EIF4ENIF1: variants seen among roughly 807,000 people sequenced by gnomAD.
EIF4ENIF1 encodes eukaryotic translation initiation factor 4E transporter.
In EIF4ENIF1, 23 loss-of-function variants were observed where a neutral mutation model predicts 110.5. The ratio of observed to expected loss-of-function variants is 0.21; its 90% confidence interval spans 0.15 to 0.29. EIF4ENIF1 has a LOEUF of 0.29. Ranked by LOEUF, EIF4ENIF1 falls within the 10% of genes least tolerant of loss-of-function variation. The probability of loss-of-function intolerance (pLI) is 1.00; values close to 1 mark genes in which losing one functional copy is unlikely to be tolerated. For synonymous variants in EIF4ENIF1, 440 were observed against 437.0 expected (o/e 1.01, Z -0.09); for missense variants, 1,031 against 1,221.1 (o/e 0.84, Z 2.32).
chr22:31,448,947 T>C (rs1258298612), intron 12 of EIF4ENIF1, among the ~76,000 whole-genome samples: 1 of 152,202 alleles, frequency 6.6e-6, no homozygotes, highest in Admixed American at 6.5e-5. Flanking sequence ...ATCTATAACA[T>C]GAACATATTC....
rs76002808 is a variant in EIF4ENIF1 at position 31,463,819 on chromosome 22, C to G, written c.447G>C (p.Leu149=). 87 of 1,614,094 alleles carry G rather than the reference C, an allele frequency of 5.4e-5. No homozygotes were observed. In the African/African-American group the frequency reaches 1.1e-3, roughly 20 times the overall value. Reference sequence around the variant, plus strand: ...CACTGCCAATCCTACGTCCACCAAGCAGACGAAGCCCATCACTATCTTTCT... The same window carrying G: ...CACTGCCAATCCTACGTCCACCAAGGAGACGAAGCCCATCACTATCTTTCT... ...PLEKDSDGLR[L]LGGRRIGSGR... The change falls in exon 5 of 19, where the codon CTG becomes CTC. Residue 149 remains leucine (L), a synonymous_variant. Coordinates refer to ENST00000330125, the MANE Select transcript of EIF4ENIF1 (RefSeq NM_019843.4).
At chr22:31,447,641 TAGAA>T in intron 13 of EIF4ENIF1, 76 bp from the exon 14 acceptor site, 2 of 1,486,180 alleles carry the variant, frequency 1.3e-6, no homozygotes, top group Non-Finnish European at 9.0e-7. Context: ...TCTTCACTCT[TAGAA>T]AGGTATGTTA....
chr22:31,476,686 G>A (rs2051584438), intron 2 of EIF4ENIF1, among the ~76,000 whole-genome samples: 1 of 152,044 alleles, frequency 6.6e-6, no homozygotes, highest in Admixed American at 6.6e-5. Context: ...CTTAAGATCA[G>A]GAGTTCAAGA....
chr22:31,442,593 C>T (rs1379021332), intron 16 of EIF4ENIF1, among the ~76,000 whole-genome samples: 1 of 152,208 alleles, frequency 6.6e-6, no homozygotes, highest in Non-Finnish European at 1.5e-5. Context: ...CTATGTTGGA[C>T]ACTTAAGTCT....
At chr22:31,474,727 A>G (rs1373695824) in intron 2 of EIF4ENIF1, among the ~76,000 whole-genome samples, 2 of 152,106 alleles carry the variant, frequency 1.3e-5, no homozygotes, top group Non-Finnish European at 2.9e-5. Context: ...ACACTAACAC[A>G]CATATCTACC....
At chr22:31,444,583 C>T (rs773324652) in intron 15 of EIF4ENIF1, 23 bp downstream of exon 15, 1 of 1,610,976 alleles carries the variant, frequency 6.2e-7, no homozygotes, top group Non-Finnish European at 8.5e-7. Flanking sequence ...TAAAGTCCTT[C>T]ACAGTTACTA....
chr22:31,454,495 C>A, intron 9 of EIF4ENIF1, 119 bp from the exon 10 acceptor site: 1 of 826,760 alleles, frequency 1.2e-6, no homozygotes, highest in South Asian at 1.8e-5. Flanking sequence ...ATGAGACTGT[C>A]AGAAAAGACT....
At chr22:31,462,457 C>G (rs977421244) in intron 6 of EIF4ENIF1, among the ~76,000 whole-genome samples, 37 of 151,262 alleles carry the variant, frequency 2.4e-4, no homozygotes, top group African/African-American at 9.0e-4. Flanking sequence ...TGCACTCCAG[C>G]CCGGGCAACT....
intron 4 of EIF4ENIF1, among the ~76,000 whole-genome samples, chr22:31,464,699 A>AATATATAT (rs1230573468): frequency 7.4e-4 from 29 of 39,110 alleles, no homozygotes; most frequent in East Asian, 1.9e-3. Flanking sequence ...AAAAAAAAAA[A>AATATATAT]ATATATATAT....
upstream of EIF4ENIF1, among the ~76,000 whole-genome samples, chr22:31,492,083 G>C (rs2052291628): frequency 6.6e-6 from 1 of 152,192 alleles, no homozygotes; most frequent in Non-Finnish European, 1.5e-5. Flanking sequence ...CTGTCAGCTA[G>C]GACCTGGGAC....
chr22:31,455,286 G>C lies in EIF4ENIF1; in HGVS notation c.1129C>G (p.Gln377Glu). Residue 377 changes from glutamine (Q) to glutamate (E), a missense_variant, in exon 9 of 19, where the codon CAG becomes GAG. Around this residue, in one of 3 missense-constraint regions of EIF4ENIF1, gnomAD observed 704 missense variants for 879.7 expected, o/e 0.80. Transcript: ENST00000330125. Reference protein sequence around the residue: ...GLEQAILSPGQNSGNYFAPIP... With the variant: ...GLEQAILSPGENSGNYFAPIP... ...GGAGCAAAGTAATTCCCCGAGTTCTGTCCAGGAGAGAGGATGGCTTGCTCC... is the reference window on the plus strand; with the variant it reads ...GGAGCAAAGTAATTCCCCGAGTTCTCTCCAGGAGAGAGGATGGCTTGCTCC... The C allele has an allele frequency of 6.2e-7, 1 of 1,603,340 alleles. No individual in the cohort carries two copies. Among genetic ancestry groups the C allele is most frequent in the South Asian group, 1.1e-5 (1 of 87,950 alleles).
chr22:31,447,178 A>C (rs2050503994), intron 14 of EIF4ENIF1, among the ~76,000 whole-genome samples: 1 of 152,208 alleles, frequency 6.6e-6, no homozygotes, highest in Non-Finnish European at 1.5e-5. Flanking sequence ...TCAAGGAAAA[A>C]AAGTAATTTA....
At chr22:31,454,000 A>C (rs1022067309) in intron 10 of EIF4ENIF1, 144 bp downstream of exon 10, 4 of 688,362 alleles carry the variant, frequency 5.8e-6, no homozygotes, top group Non-Finnish European at 9.8e-6. Context: ...ATAATTAAGG[A>C]ACACACAAAA....
At chr22:31,463,279 C>T (rs1264890226) in intron 5 of EIF4ENIF1, 146 bp from the exon 6 acceptor site, 5 of 740,466 alleles carry the variant, frequency 6.8e-6, no homozygotes, top group Non-Finnish European at 6.5e-6. Context: ...CCCTTCCTCC[C>T]TGACTGGTTT....
chr22:31,469,937 G>A (rs2051309451), intron 3 of EIF4ENIF1, among the ~76,000 whole-genome samples: 1 of 152,046 alleles, frequency 6.6e-6, no homozygotes, highest in Non-Finnish European at 1.5e-5. Context: ...GCTGAGGTGG[G>A]TGGATCACCT....
intron 3 of EIF4ENIF1, among the ~76,000 whole-genome samples, chr22:31,471,003 A>C (rs1056982223): frequency 6.7e-6 from 1 of 149,176 alleles, no homozygotes; most frequent in Non-Finnish European, 1.5e-5. Flanking sequence ...AAAGAGTGAA[A>C]CTCTGTCTCG....
At chr22:31,445,011 A>G (rs1384106215) in intron 14 of EIF4ENIF1, among the ~76,000 whole-genome samples, 2 of 152,212 alleles carry the variant, frequency 1.3e-5, no homozygotes, top group African/African-American at 2.4e-5. Flanking sequence ...AAGAAATAAC[A>G]AGGCACTGCA....
At chr22:31,455,391 C>CTT in intron 8 of EIF4ENIF1, 76 bp from the exon 9 acceptor site, 1 of 886,298 alleles carries the variant, frequency 1.1e-6, no homozygotes, top group Non-Finnish European at 1.5e-6. Context: ...ATTTTTCTTT[C>CTT]TTTCTTTTTT....
chr22:31,455,291 G>A lies in EIF4ENIF1; in HGVS notation c.1124C>T (p.Pro375Leu). The change falls in exon 9 of 19, where the codon CCT becomes CTT. Residue 375 changes from proline (P) to leucine (L), a missense_variant. Pro to Leu is a moderately conservative substitution (Grantham distance 98). This residue lies in a region of EIF4ENIF1 where 704 missense variants were observed against 879.7 expected (regional missense o/e 0.80). Transcript: ENST00000330125. ...AAAGTAATTCCCCGAGTTCTGTCCA[G>A]GAGAGAGGATGGCTTGCTCCAGACC... The part of the protein sequence containing the change: ...LAGLEQAILS[P>L]GQNSGNYFAP... 1 of 1,601,882 alleles carries A rather than the reference G, an allele frequency of 6.2e-7. No homozygotes were observed. Among genetic ancestry groups the A allele is most frequent in the Non-Finnish European group, 8.5e-7 (1 of 1,174,552 alleles).
Sources: gnomAD v4.1 joint callset for allele counts (sites outside exome capture counted in the v4.1 genomes callset) on GRCh38, gnomAD v4.1.1 for gene constraint, gnomAD v4.1.1 regional missense constraint, MANE v1.5 for transcripts, NCBI Gene and HGNC (gene_info 2026-07-23, HGNC 2026-07-21) for gene names.